TMEM225: variants seen among roughly 807,000 people sequenced by gnomAD.
TMEM225 encodes the protein transmembrane protein 225, also known as PMP22 claudin domain-containing protein.
TMEM225 carries 10 observed loss-of-function variants against 17.6 expected under a neutral mutation model. The observed-to-expected ratio is 0.57, with a 90% CI of 0.35 to 0.96. TMEM225 has a LOEUF of 0.96. Ranked by LOEUF, TMEM225 falls within the 40% of genes least tolerant of loss-of-function variation. TMEM225 has a pLI of 0.02. For synonymous variants in TMEM225, 101 were observed against 94.5 expected (o/e 1.07, Z -0.40); for missense variants, 245 against 271.5 (o/e 0.90, Z 0.69).
At position 123,885,591 on chromosome 11, in the gene TMEM225, C is replaced by T. The variant is rs1423247390; in HGVS notation, c.-166G>A. 1.6e-6 allele frequency: 1 copy of T among 630,672 alleles called. No homozygotes were observed. Among genetic ancestry groups the T allele is most frequent in the Non-Finnish European group, 2.7e-6 (1 of 369,292 alleles). The allele number at this position is 630,672 out of a possible 1,614,324, so 39.1% of individuals were successfully genotyped here. A position where few individuals can be genotyped will look rare whatever the true frequency, so the allele number is the denominator to read the frequency against. On this transcript the variant is annotated 5_prime_UTR_variant, in exon 1 of 4. The change abolishes the stop of an existing upstream ORF in the 5' untranslated region. Transcript: ENST00000375026. Reference sequence around the variant, plus strand: ...TAAAACAGAGAAGATAGATAACTCTCACCCTTCCTCACTTCCGTTATCTAT... The same window carrying T: ...TAAAACAGAGAAGATAGATAACTCTTACCCTTCCTCACTTCCGTTATCTAT...
chr11:123,884,222 CAAAAAAAAAAA>C lies in TMEM225; in HGVS notation c.329-24_329-14del, dbSNP rs61366176. The C allele has an allele frequency of 1.5e-5, 19 of 1,236,184 alleles. No individual in the cohort carries two copies. The highest frequency in any genetic ancestry group is 1.9e-5 in the Non-Finnish European group (19 of 981,220). 76.6% of individuals were successfully genotyped at this position (1,236,184 alleles called of 1,614,324 possible). ...AGCAGAGAGATACCTGATGTCCAGA[CAAAAAAAAAAA>C]AAAAAAAAGAAAAAGAAAAAAGTCC... On this transcript the variant is annotated splice_polypyrimidine_tract_variant and intron_variant, in intron 2 of 3. Transcript: ENST00000375026.
chr11:123,883,403 G>A (rs1346807573), intron 3 of TMEM225, 51 bp from the exon 4 acceptor site: 2 of 1,384,968 alleles, frequency 1.4e-6, no homozygotes, highest in Admixed American at 1.7e-5. Context: ...TGGAGAGTCA[G>A]AAACAATTCT....
rs568972212 is a variant in TMEM225, at chr11:123,884,840, C to A, written c.182-204G>T. ...ACATTTTCTCTATCCTGATGTCTCT[C>A]TATGTGTCTTTCTCTTCTATTATTT... On this transcript the variant is annotated intron_variant, in intron 1 of 3. Coordinates refer to ENST00000375026, the MANE Select transcript of TMEM225 (RefSeq NM_001013743.3). Among the ~76,000 whole-genome samples, 134 of 152,222 alleles carry A rather than the reference C, an allele frequency of 8.8e-4. 1 individual carries two copies. Among genetic ancestry groups the A allele is most frequent in the African/African-American group, 2.9e-3 (121 of 41,540 alleles).
At position 123,884,065 on chromosome 11, in the gene TMEM225, A is replaced by T; in HGVS notation, c.463+10T>A. 1 of 1,603,872 alleles carries T rather than the reference A, an allele frequency of 6.2e-7. No individual in the cohort carries two copies. Reference sequence around the variant, plus strand: ...TCTTAACACCCTTCAGGGGCCCTGGAGACACTCACCACAGACAGACAAGAA... The same window carrying T: ...TCTTAACACCCTTCAGGGGCCCTGGTGACACTCACCACAGACAGACAAGAA... On this transcript the variant is annotated intron_variant, in intron 3 of 3. Coordinates refer to ENST00000375026, the MANE Select transcript of TMEM225 (RefSeq NM_001013743.3).
At chr11:123,884,865 T>G (rs1863019084) in intron 1 of TMEM225, among the ~76,000 whole-genome samples, 1 of 152,174 alleles carries the variant, frequency 6.6e-6, no homozygotes, top group South Asian at 2.1e-4. Flanking sequence ...TTCTATTATT[T>G]TCTTCAAACT....
chr11:123,884,031 T>A, intron 3 of TMEM225, 44 bp downstream of exon 3: 3 of 1,552,040 alleles, frequency 1.9e-6, no homozygotes, highest in Non-Finnish European at 2.6e-6. Flanking sequence ...CTGTCGGGGA[T>A]GGATTGGTTC....
chr11:123,884,613 T>C lies in TMEM225; in HGVS notation c.205A>G (p.Met69Val), dbSNP rs752359970. The C allele has an allele frequency of 7.4e-6, 12 of 1,612,778 alleles. No homozygotes were observed. The highest frequency in any genetic ancestry group is 1.0e-5 in the Non-Finnish European group (12 of 1,179,390). ...GAAAGGCCAAGGCTCGACGTCATCA[T>C]AATCCTGACCACTTTCAGGTCATCT... ...PEDDLKVVRI[M>V]MTSSLGLSFL... is the part of the protein sequence containing the mutation. The change falls in exon 2 of 4, where the codon ATG becomes GTG. Residue 69 changes from methionine to valine, a missense_variant. Physicochemically the swap from Met to Val is conservative, Grantham distance 21. Transcript: ENST00000375026.
Position 123,882,965 on chromosome 11 carries a change from A to T in TMEM225, c.*173T>A. On this transcript the variant is annotated 3_prime_UTR_variant, in exon 4 of 4. Transcript: ENST00000375026. ...TTATTATATTAACAACAAATGTTGC[A>T]GAAGAAACTATTCGTTCAGCAGGCC... The T allele has an allele frequency of 2.1e-6, 1 of 481,476 alleles. No individual in the cohort carries two copies. The highest frequency in any genetic ancestry group is 3.7e-6 in the Non-Finnish European group (1 of 273,938). The allele number at this position is 481,476 out of a possible 1,614,324, so 29.8% of individuals were successfully genotyped here.
At chr11:123,885,219 G>A (rs200182919) in intron 1 of TMEM225, 26 bp downstream of exon 1, 202 of 1,600,726 alleles carry the variant, frequency 1.3e-4, no homozygotes, top group Admixed American at 2.1e-4. Context: ...CTTTCCACCC[G>A]TCTCTTTCTA....
At chr11:123,883,983 G>A in intron 3 of TMEM225, 92 bp downstream of exon 3, 3 of 1,372,642 alleles carry the variant, frequency 2.2e-6, no homozygotes, top group Non-Finnish European at 2.9e-6. Context: ...GCAAGGTTTG[G>A]CACTTTTCCC....
chr11:123,885,395 C>T lies in TMEM225; in HGVS notation c.31G>A (p.Gly11Ser), dbSNP rs149108305. Reference protein sequence around the residue: MVHVSNRSIQGMNILFSSWAV... With the variant: MVHVSNRSIQSMNILFSSWAV... ...CAGGAGGAGAAAAGTATGTTCATACCCTGGATACTTCTATTTGAAACATGC... is the reference window on the plus strand; with the variant it reads ...CAGGAGGAGAAAAGTATGTTCATACTCTGGATACTTCTATTTGAAACATGC... Residue 11 changes from glycine to serine, a missense_variant, in exon 1 of 4, where the codon GGT (glycine) becomes AGT (serine). By Grantham distance (56) the Gly-to-Ser change is moderately conservative. Coordinates refer to ENST00000375026, the MANE Select transcript of TMEM225 (RefSeq NM_001013743.3). 1,271 of 1,612,970 alleles carry T rather than the reference C, an allele frequency of 7.9e-4. 3 individuals carry two copies. The highest frequency in any genetic ancestry group is 8.0e-4 in the Non-Finnish European group (948 of 1,179,424).
At chr11:123,883,538 G>T (rs1363533706) in intron 3 of TMEM225, among the ~76,000 whole-genome samples, 186 bp from the exon 4 acceptor site, 1 of 152,152 alleles carries the variant, frequency 6.6e-6, no homozygotes. Context: ...CTTAAATTCT[G>T]CTCAGCTTAA....
Position 123,885,329 on chromosome 11 carries a change from A to G in TMEM225, c.97T>C (p.Trp33Arg), listed in dbSNP as rs781332898. The G allele has an allele frequency of 6.2e-7, 1 of 1,613,588 alleles. No individual in the cohort carries two copies. The highest frequency in any genetic ancestry group is 1.1e-5 in the South Asian group (1 of 91,060). ...LMVMGITLDK[W>R]VELISEDERA... ...TCATCTTCTGAAATCAATTCAACCCATTTATCTAAGGTGATTCCCATCACC... is the reference window on the plus strand; with the variant it reads ...TCATCTTCTGAAATCAATTCAACCCGTTTATCTAAGGTGATTCCCATCACC... The change falls in exon 1 of 4, where the codon TGG becomes CGG. Residue 33 changes from tryptophan (W) to arginine (R), a missense_variant. Physicochemically the swap from Trp to Arg is moderately radical, Grantham distance 101. Transcript: ENST00000375026.
chr11:123,883,327 C>T lies in TMEM225; in HGVS notation c.489G>A (p.Lys163=). 3 of 1,612,970 alleles carry T rather than the reference C, an allele frequency of 1.9e-6. No homozygotes were observed. Among genetic ancestry groups the T allele is most frequent in the Middle Eastern group, 3.3e-4 (2 of 6,050 alleles). ...VCGVLSLLEC[K]LSTSSCTCLN... ...GGCAGGTACAGCTACTGGTAGACAA[C>T]TTGCACTCTAGGAGAGAGAGGACTC... Residue 163 remains lysine, a synonymous_variant, in exon 4 of 4, where the codon AAG becomes AAA. Coordinates refer to ENST00000375026, the MANE Select transcript of TMEM225 (RefSeq NM_001013743.3).
At chr11:123,884,360 C>T (rs2137477696) in intron 2 of TMEM225, 130 bp downstream of exon 2, 4 of 1,304,902 alleles carry the variant, frequency 3.1e-6, no homozygotes, top group Non-Finnish European at 4.1e-6. Flanking sequence ...AAGACTGATC[C>T]TGATCCTGCT....
intron 2 of TMEM225, 109 bp downstream of exon 2, chr11:123,884,380 GA>G: frequency 3.1e-6 from 4 of 1,305,590 alleles, no homozygotes; most frequent in Non-Finnish European, 4.1e-6. Flanking sequence ...TTTTATGGTA[GA>G]TCTAACTCAG....
rs746548999 is a variant in TMEM225 at position 123,884,147 on chromosome 11, G to A, written c.391C>T (p.His131Tyr). Residue 131 changes from histidine to tyrosine, a missense_variant, in exon 3 of 4, where the codon CAC (histidine) becomes TAC (tyrosine). Physicochemically the swap from His to Tyr is moderately conservative, Grantham distance 83. Transcript: ENST00000375026. ...CAGGTGATCCTATAACTAGAGAAGT[G>A]CATGGATTGACCTTGCTTCAGCTTA... ...HNKLKQGQSM[H>Y]FSSYRITWIM... 8 of 1,609,522 alleles carry A rather than the reference G, an allele frequency of 5.0e-6. No homozygotes were observed. Among genetic ancestry groups the A allele is most frequent in the Non-Finnish European group, 6.8e-6 (8 of 1,178,924 alleles).
intron 3 of TMEM225, among the ~76,000 whole-genome samples, 172 bp from the exon 4 acceptor site, chr11:123,883,524 A>G (rs952305094): frequency 1.3e-5 from 2 of 152,180 alleles, no homozygotes; most frequent in African/African-American, 2.4e-5. Flanking sequence ...TGTATGTACA[A>G]TAGCTTAAAT....
At position 123,884,472 on chromosome 11, in the gene TMEM225, G is replaced by A. The variant is rs758226096; in HGVS notation, c.328+18C>T. 1.6e-5 allele frequency: 25 copies of A among 1,602,298 alleles called. No individual in the cohort carries two copies. The highest frequency in any genetic ancestry group is 2.1e-5 in the Non-Finnish European group (25 of 1,174,646). On this transcript the variant is annotated intron_variant, in intron 2 of 3. Transcript: ENST00000375026. Reference sequence around the variant, plus strand: ...AAAGTACACCTACAAGCTTGTGTTAGGGGAGCCAGGAAGTTACCTGAGAAG... The same window carrying A: ...AAAGTACACCTACAAGCTTGTGTTAAGGGAGCCAGGAAGTTACCTGAGAAG...
Sources: allele counts gnomAD v4.1 joint callset (sites outside exome capture counted in the v4.1 genomes callset), GRCh38; gene constraint gnomAD v4.1.1; transcripts MANE v1.5; gene names NCBI Gene and HGNC (gene_info 2026-07-23, HGNC 2026-07-21).